Variants in EP400 observed in about 807,000 individuals in gnomAD.
EP400 encodes E1A binding protein p400.
Under a neutral mutation model 354.1 loss-of-function variants are expected in EP400, and 105 were observed. The observed-to-expected ratio is 0.30, with a 90% CI of 0.25 to 0.35. EP400 has a LOEUF of 0.35. EP400 is among the 10% of genes least tolerant of loss of function. The pLI, the probability that EP400 is intolerant of heterozygous loss-of-function variation, is 1.00. For synonymous variants in EP400, 1,646 were observed against 1,716.9 expected, an observed-to-expected ratio of 0.96 and a Z score of 1.02; for missense variants, 3,280 against 4,121.0, an observed-to-expected ratio of 0.80 and a Z score of 5.59.
chr12:132,036,745 G>C (rs1373087139), intron 30 of EP400, among the ~76,000 whole-genome samples: 1 of 152,158 alleles, frequency 6.6e-6, no homozygotes, highest in Non-Finnish European at 1.5e-5. Context: ...AATAATTTAT[G>C]ATGAGCATGT....
intron 15 of EP400, among the ~76,000 whole-genome samples, chr12:132,008,098 G>A (rs576123099): frequency 2.8e-4 from 43 of 152,262 alleles, no homozygotes; most frequent in Admixed American, 2.1e-3. Flanking sequence ...ATAGGCATGC[G>A]CCACCACACC....
chr12:131,981,603 C>T lies in EP400; in HGVS notation c.1543+7C>T. On this transcript the variant is annotated splice_region_variant and intron_variant, in intron 4 of 52. Coordinates refer to ENST00000389561, the MANE Select transcript of EP400 (RefSeq NM_015409.5). Reference sequence around the variant, plus strand: ...CTAATGCCGACCGCACAAGGTAAGGCCCAGCAGCAGAGCCAGCTCCCCGCT... The same window carrying T: ...CTAATGCCGACCGCACAAGGTAAGGTCCAGCAGCAGAGCCAGCTCCCCGCT... 3 of 1,589,206 alleles carry T rather than the reference C, an allele frequency of 1.9e-6. No homozygotes were observed. The highest frequency in any genetic ancestry group is 2.7e-5 in the African/African-American group (2 of 74,734).
intron 51 of EP400, among the ~76,000 whole-genome samples, chr12:132,072,087 C>T (rs1896085783): frequency 6.6e-6 from 1 of 152,138 alleles, no homozygotes; most frequent in Non-Finnish European, 1.5e-5. Context: ...GACCTCACGG[C>T]ATCGGGGCAG....
rs753980892 is a variant in EP400 at position 132,027,540 on chromosome 12, C to T, written c.5109+9C>T. ...TTGGAGGGCCGACCCAGGTAAGCAC[C>T]TGAGCTTGAGACCCCGGTGCACGTG... On this transcript the variant is annotated intron_variant, in intron 26 of 52. Coordinates refer to ENST00000389561, the MANE Select transcript of EP400 (RefSeq NM_015409.5). This position sits in a 1 kb window ranked among gnomAD's most constrained non-coding sequence, Gnocchi z 4.9. 6.2e-6 allele frequency: 10 copies of T among 1,605,286 alleles called. No homozygotes were observed. The East Asian group carries it at 2.0e-4, about 32-fold the overall frequency.
chr12:131,966,903 C>CAAAAAA (rs1179689543), intron 2 of EP400, among the ~76,000 whole-genome samples: 17 of 57,820 alleles, frequency 2.9e-4, no homozygotes, highest in African/African-American at 5.8e-4. Context: ...AGACTTGTCT[C>CAAAAAA]AAAAAAAAAA....
chr12:132,051,683 A>G (rs562524056), intron 41 of EP400, among the ~76,000 whole-genome samples: 66 of 152,312 alleles, frequency 4.3e-4, no homozygotes, highest in African/African-American at 1.4e-3. Context: ...AAGGCAGACT[A>G]GGAGTGTGAC....
At chr12:132,073,459 C>CTTTTTT (rs58724167) in intron 51 of EP400, among the ~76,000 whole-genome samples, 18 of 117,702 alleles carry the variant, frequency 1.5e-4, no homozygotes, top group African/African-American at 4.4e-4. Flanking sequence ...GTCCCTTTTC[C>CTTTTTT]TTTTTTTTTT....
At chr12:132,007,579 T>C (rs1300058074) in intron 15 of EP400, among the ~76,000 whole-genome samples, 3 of 152,232 alleles carry the variant, frequency 2.0e-5, no homozygotes, top group Admixed American at 1.3e-4. Flanking sequence ...GCTCTGTGCC[T>C]AGCTGCAGAG....
intron 50 of EP400, 148 bp from the exon 51 acceptor site, chr12:132,069,347 G>T: frequency 2.7e-6 from 3 of 1,110,834 alleles, no homozygotes; most frequent in Non-Finnish European, 2.5e-6. Context: ...GGGACAGGGG[G>T]CAGGAGATGT....
At chr12:132,073,050 T>A (rs1383632772) in intron 51 of EP400, among the ~76,000 whole-genome samples, 1 of 152,138 alleles carries the variant, frequency 6.6e-6, no homozygotes, top group Non-Finnish European at 1.5e-5. Flanking sequence ...GCAGGTCCGG[T>A]GCTGTTGTGA....
intron 21 of EP400, among the ~76,000 whole-genome samples, chr12:132,019,555 A>C (rs1894056086): frequency 6.6e-6 from 1 of 152,034 alleles, no homozygotes; most frequent in African/African-American, 2.4e-5. Context: ...AAAAAAATCA[A>C]ATCCAGGCGT....
intron 45 of EP400, among the ~76,000 whole-genome samples, chr12:132,056,898 A>G (rs905628800): frequency 3.3e-5 from 5 of 152,276 alleles, no homozygotes; most frequent in Admixed American, 1.3e-4. Flanking sequence ...CACTTCACCA[A>G]GAAGCTAGAA....
intron 5 of EP400, among the ~76,000 whole-genome samples, chr12:131,983,714 C>CT (rs1156464654): frequency 6.6e-6 from 1 of 152,170 alleles, no homozygotes; most frequent in African/African-American, 2.4e-5. Context: ...GGGTCTGGCT[C>CT]TGTCACCCAG....
intron 2 of EP400, among the ~76,000 whole-genome samples, chr12:131,967,999 C>T (rs1892160129): frequency 6.6e-6 from 1 of 152,158 alleles, no homozygotes; most frequent in South Asian, 2.1e-4. Flanking sequence ...ATAATATGGA[C>T]ATGTTTTTTG....
chr12:132,047,997 C>T lies in EP400; in HGVS notation c.7200+2097C>T, dbSNP rs1026238912. 3.3e-5 allele frequency among the ~76,000 whole-genome samples: 5 copies of T among 152,192 alleles called. No individual in the cohort carries two copies. In the South Asian group the frequency reaches 6.2e-4, roughly 19 times the overall value. The stretch of plus-strand genomic sequence containing the variant: ...ATTTGCTTTTGAAAGAAGAGAAATA[C>T]GGCTCTGTTCCGCCTGGCTCACCGG... On this transcript the variant is annotated intron_variant, in intron 39 of 52. Transcript: ENST00000389561.
At chr12:132,042,811 G>A (rs1253078490) in intron 32 of EP400, among the ~76,000 whole-genome samples, 1 of 152,224 alleles carries the variant, frequency 6.6e-6, no homozygotes, top group Non-Finnish European at 1.5e-5. Context: ...TGTCTTGTAT[G>A]TTCATAGTCA....
At chr12:132,004,673 T>G (rs565851513) in intron 12 of EP400, among the ~76,000 whole-genome samples, 1 of 152,284 alleles carries the variant, frequency 6.6e-6, no homozygotes, top group African/African-American at 2.4e-5. Context: ...ATAGAGAAAA[T>G]ATTTTATACT....
At chr12:131,986,369 A>G (rs1892853163) in intron 5 of EP400, 145 bp from the exon 6 acceptor site, 1 of 730,084 alleles carries the variant, frequency 1.4e-6, no homozygotes, top group Non-Finnish European at 2.2e-6. Flanking sequence ...GGCTGTGGAT[A>G]CGATGTGATT....
At chr12:132,037,849 T>G in intron 31 of EP400, 56 bp downstream of exon 31, 1 of 1,609,740 alleles carries the variant, frequency 6.2e-7, no homozygotes, top group Non-Finnish European at 8.5e-7. Context: ...GCGCGTGGAA[T>G]CGCATGGTGT....
Sources: allele counts gnomAD v4.1 joint callset (sites outside exome capture counted in the v4.1 genomes callset), GRCh38; gene constraint gnomAD v4.1.1; non-coding constraint Gnocchi (gnomAD v3.1); transcripts MANE v1.5; gene names NCBI Gene and HGNC (gene_info 2026-07-23, HGNC 2026-07-21).